The following STK17B variants were observed in gnomAD, a reference collection of about 807,000 sequenced individuals.
STK17B encodes serine/threonine-protein kinase 17B.
Under a neutral mutation model 42.0 loss-of-function variants are expected in STK17B, and 21 were observed. The observed-to-expected ratio is 0.50, with a 90% CI of 0.35 to 0.72. STK17B has a LOEUF of 0.72. Among genes scored for constraint, STK17B ranks in the 30% least tolerant of loss-of-function variants. The pLI is 0.00. For missense variants in STK17B, 349 were observed against 446.0 expected (o/e 0.78, Z 1.96); for synonymous variants, 143 against 148.4 (o/e 0.96, Z 0.26).
At chr2:196,150,179 T>TAAAA (rs143244008) in intron 3 of STK17B, among the ~76,000 whole-genome samples, 23 of 113,486 alleles carry the variant, frequency 2.0e-4, no homozygotes, top group African/African-American at 7.6e-4. Context: ...GAGCAGTGAC[T>TAAAA]AAAAAAAAAA....
chr2:196,151,082 T>A (rs1289220315), intron 3 of STK17B, among the ~76,000 whole-genome samples: 2 of 152,260 alleles, frequency 1.3e-5, no homozygotes, highest in Admixed American at 6.5e-5. Flanking sequence ...TCCTTTTCTG[T>A]TGGGTACTTA....
rs926836780 is a variant in STK17B, at chr2:196,147,734, A to T, written c.336-1679T>A. ...TTGCTGTAAATTCATGAGACATAAT[A>T]TATTTTTTTTTTTTTTGAGATGGAG... On this transcript the variant is annotated intron_variant, in intron 3 of 7. Coordinates refer to ENST00000263955, the MANE Select transcript of STK17B (RefSeq NM_004226.4). Among the ~76,000 whole-genome samples the T allele has an allele frequency of 2.5e-3, 362 of 145,502 alleles. 1 individual carries two copies. The highest frequency in any genetic ancestry group is 7.4e-3 in the African/African-American group (291 of 39,476).
rs1699566830 is a variant in STK17B, at chr2:196,145,942, T to G, written c.449A>C (p.His150Pro). The part of the protein sequence containing the change: ...KQILEGVYYL[H>P]QNNIVHLDLK... ...ATCAAGGTGTACAATGTTATTCTGA[T>G]GTAGATAATAAACTCCTTCAAGTAT... The change falls in exon 4 of 8, where the codon CAT becomes CCT. Residue 150 changes from histidine to proline, a missense_variant. Coordinates refer to ENST00000263955, the MANE Select transcript of STK17B (RefSeq NM_004226.4). 4 of 1,594,294 alleles carry G rather than the reference T, an allele frequency of 2.5e-6. No homozygotes were observed. Among genetic ancestry groups the G allele is most frequent in the African/African-American group, 1.4e-5 (1 of 73,662 alleles).
intron 4 of STK17B, among the ~76,000 whole-genome samples, chr2:196,145,241 AATTATT>A (rs1291290714): frequency 6.6e-6 from 1 of 151,734 alleles, no homozygotes; most frequent in Admixed American, 6.6e-5. Context: ...GAGATTTTTG[AATTATT>A]ATTATTATTA....
intron 1 of STK17B, among the ~76,000 whole-genome samples, chr2:196,168,864 C>T (rs1699901717): frequency 6.6e-6 from 1 of 152,008 alleles, no homozygotes; most frequent in Admixed American, 6.5e-5. Context: ...AACTACAGTA[C>T]TTAAACATAA....
intron 4 of STK17B, among the ~76,000 whole-genome samples, chr2:196,144,506 A>C (rs1332263345): frequency 3.2e-4 from 48 of 148,198 alleles, no homozygotes; most frequent in Non-Finnish European, 4.8e-4. Flanking sequence ...AAAAAAAAAA[A>C]AAAAAAAAAA....
chr2:196,161,578 G>A (rs1196347480), intron 2 of STK17B, among the ~76,000 whole-genome samples: 1 of 144,476 alleles, frequency 6.9e-6, no homozygotes, highest in Admixed American at 7.1e-5. Context: ...GAGTGCAGTG[G>A]CATGATATCG....
At position 196,137,328 on chromosome 2, in the gene STK17B, A is replaced by T; in HGVS notation, c.*119T>A. On this transcript the variant is annotated 3_prime_UTR_variant, in exon 8 of 8. Transcript: ENST00000263955. ...TAACATTAAAACACTTCCCTAAATT[A>T]TTCCATGGAAAAGTGCATTTACAAT... is the stretch of plus-strand genomic sequence containing the variant. 1 of 1,098,688 alleles carries T rather than the reference A, an allele frequency of 9.1e-7. No homozygotes were observed. The highest frequency in any genetic ancestry group is 2.6e-5 in the East Asian group (1 of 38,994). The allele number at this position is 1,098,688 out of a possible 1,614,324, so 68.1% of individuals were successfully genotyped here.
chr2:196,161,511 CTTTTTTT>C (rs71009086), intron 2 of STK17B, among the ~76,000 whole-genome samples: 13 of 69,520 alleles, frequency 1.9e-4, no homozygotes, highest in African/African-American at 5.5e-4. Context: ...TATTATAATT[CTTTTTTT>C]TTTTTTTTTT....
At chr2:196,146,846 T>C (rs1203598269) in intron 3 of STK17B, among the ~76,000 whole-genome samples, 1 of 152,184 alleles carries the variant, frequency 6.6e-6, no homozygotes, top group Non-Finnish European at 1.5e-5. Flanking sequence ...TGAGTAAGAA[T>C]CTGCATTCTT....
chr2:196,159,347 A>G (rs944413449), intron 2 of STK17B, among the ~76,000 whole-genome samples: 9 of 142,190 alleles, frequency 6.3e-5, no homozygotes, highest in South Asian at 2.2e-4. Flanking sequence ...TCTCGACTCT[A>G]TCACCCAGGA....
Position 196,162,224 on chromosome 2 carries a change from G to T in STK17B, c.122+1038C>A, listed in dbSNP as rs368097283. Among the ~76,000 whole-genome samples the T allele has an allele frequency of 5.0e-4, 76 of 152,184 alleles. 1 individual carries two copies. In the South Asian group the frequency reaches 0.015, roughly 31 times the overall value. Reference sequence around the variant, plus strand: ...TATATTAAAATGGTAGTACAGAATGGTTTCATAATATCATGTCACTCCTTG... The same window carrying T: ...TATATTAAAATGGTAGTACAGAATGTTTTCATAATATCATGTCACTCCTTG... On this transcript the variant is annotated intron_variant, in intron 2 of 7. Transcript: ENST00000263955.
chr2:196,163,722 A>G (rs536476343), intron 1 of STK17B, among the ~76,000 whole-genome samples: 1 of 152,290 alleles, frequency 6.6e-6, no homozygotes, highest in East Asian at 1.9e-4. Flanking sequence ...TAGTTTCATC[A>G]TAAAACTCCA....
upstream of STK17B, among the ~76,000 whole-genome samples, chr2:196,174,929 C>T (rs1699984493): frequency 6.6e-6 from 1 of 152,216 alleles, no homozygotes; most frequent in African/African-American, 2.4e-5. Flanking sequence ...CTCTCCAAAA[C>T]ATCCATGATC....
intron 1 of STK17B, among the ~76,000 whole-genome samples, chr2:196,166,786 ACTATCT>A (rs1699879332): frequency 6.6e-6 from 1 of 152,216 alleles, no homozygotes; most frequent in African/African-American, 2.4e-5. Flanking sequence ...CAAAAGCAAG[ACTATCT>A]CTATAAACCT....
chr2:196,160,255 G>A (rs777934974), intron 2 of STK17B, among the ~76,000 whole-genome samples: 13 of 152,166 alleles, frequency 8.5e-5, no homozygotes, highest in South Asian at 6.2e-4. Flanking sequence ...GAAAGGAGGC[G>A]GGAGGGTAAG....
chr2:196,138,572 T>G lies in STK17B; in HGVS notation c.837-843A>C, dbSNP rs186503361. ...TAACTAACCTCCAAATCACTTTTGG[T>G]TTTTTTTTGGTTTTTTTTTTTGCAA... is the stretch of plus-strand genomic sequence containing the variant. On this transcript the variant is annotated intron_variant, in intron 7 of 7. Transcript: ENST00000263955. 2.9e-4 allele frequency among the ~76,000 whole-genome samples: 36 copies of G among 124,794 alleles called. 1 individual carries two copies. In the East Asian group the frequency reaches 7.3e-3, roughly 25 times the overall value. 81.9% of individuals were successfully genotyped at this position (124,794 alleles called of 152,430 possible). A position where few individuals can be genotyped will look rare whatever the true frequency, so the allele number is the denominator to read the frequency against.
At chr2:196,173,795 G>A (rs1699974400), upstream of STK17B, among the ~76,000 whole-genome samples, 1 of 152,218 alleles carries the variant, frequency 6.6e-6, no homozygotes, top group South Asian at 2.1e-4. Flanking sequence ...CAGGGATGGC[G>A]GTTGTTATGG....
chr2:196,138,853 C>T (rs752124617), intron 7 of STK17B, among the ~76,000 whole-genome samples: 7 of 152,130 alleles, frequency 4.6e-5, no homozygotes, highest in African/African-American at 1.2e-4. Context: ...GGAATACAGG[C>T]GTGAGCCACC....
Sources: gnomAD v4.1 joint callset for allele counts (sites outside exome capture counted in the v4.1 genomes callset) on GRCh38, gnomAD v4.1.1 for gene constraint, MANE v1.5 for transcripts, NCBI Gene and HGNC (gene_info 2026-07-23, HGNC 2026-07-21) for gene names.